The following PDE4D variants were observed in gnomAD, a reference collection of about 807,000 sequenced individuals.
PDE4D encodes 3',5'-cyclic-AMP phosphodiesterase 4D.
In PDE4D, 24 loss-of-function variants were observed where a neutral mutation model predicts 87.4. That is an observed-to-expected ratio of 0.27 (90% CI 0.20 to 0.39). PDE4D has a LOEUF of 0.39. Among genes scored for constraint, PDE4D ranks in the 10% least tolerant of loss-of-function variants. PDE4D has a pLI of 1.00. For synonymous variants in PDE4D, 384 were observed against 383.2 expected, an observed-to-expected ratio of 1.00 and a Z score of -0.02; for missense variants, 714 against 1,041.0, an observed-to-expected ratio of 0.69 and a Z score of 4.32.
chr5:59,939,668 ATTT>A (rs971878521), intron 3 of PDE4D, among the ~76,000 whole-genome samples: 1 of 152,084 alleles, frequency 6.6e-6, no homozygotes, highest in African/African-American at 2.4e-5. Context: ...GGAGAAGAGT[ATTT>A]CAGGTAGAGG....
chr5:59,639,408 A>G (rs1236765688), intron 1 of PDE4D, among the ~76,000 whole-genome samples: 5 of 151,880 alleles, frequency 3.3e-5, no homozygotes, highest in Admixed American at 2.6e-4. Context: ...GGGTTGGGGG[A>G]GAGAAAAGAC....
chr5:60,047,535 T>C (rs1769444036), intron 2 of PDE4D, among the ~76,000 whole-genome samples: 1 of 152,200 alleles, frequency 6.6e-6, no homozygotes, highest in Admixed American at 6.5e-5. Flanking sequence ...ACACACTGCT[T>C]TGAATGCGTC....
intron 1 of PDE4D, among the ~76,000 whole-genome samples, chr5:59,730,945 A>G (rs542488273): frequency 6.6e-6 from 1 of 152,246 alleles, no homozygotes; most frequent in East Asian, 1.9e-4. Context: ...CTTATGTTAT[A>G]TTGCTTTTTA....
At chr5:59,741,649 T>G (rs1484292741) in intron 1 of PDE4D, among the ~76,000 whole-genome samples, 2 of 152,232 alleles carry the variant, frequency 1.3e-5, no homozygotes, top group Non-Finnish European at 2.9e-5. Flanking sequence ...ATTAGTAACA[T>G]GAAAGCTACT....
intron 1 of PDE4D, among the ~76,000 whole-genome samples, chr5:59,448,744 C>A (rs557501925): frequency 6.6e-6 from 1 of 152,266 alleles, no homozygotes; most frequent in Admixed American, 6.5e-5. Context: ...ACGATCCTCC[C>A]ATTTCAGCCT....
chr5:59,982,340 T>C (rs953005500), intron 3 of PDE4D, among the ~76,000 whole-genome samples: 2 of 152,196 alleles, frequency 1.3e-5, no homozygotes, highest in African/African-American at 4.8e-5. Flanking sequence ...GCTCTCATTT[T>C]ATTATAGCAG....
chr5:59,709,777 C>A (rs1474135374), intron 1 of PDE4D, among the ~76,000 whole-genome samples: 1 of 152,108 alleles, frequency 6.6e-6, no homozygotes, highest in Non-Finnish European at 1.5e-5. Context: ...GGGTGGTATG[C>A]AGAAAATAGC....
At chr5:59,637,503 C>T (rs1832396640) in intron 1 of PDE4D, among the ~76,000 whole-genome samples, 1 of 151,718 alleles carries the variant, frequency 6.6e-6, no homozygotes, top group Non-Finnish European at 1.5e-5. Context: ...AACAAAAATA[C>T]CCATCAATGA....
intron 3 of PDE4D, among the ~76,000 whole-genome samples, chr5:59,909,818 C>A (rs1753242844): frequency 1.3e-5 from 2 of 152,124 alleles, no homozygotes; most frequent in African/African-American, 4.8e-5. Flanking sequence ...CTGTAGAAAA[C>A]CTTCAATGGT....
At chr5:60,305,820 T>C (rs1272917927) in intron 1 of PDE4D, among the ~76,000 whole-genome samples, 2 of 151,742 alleles carry the variant, frequency 1.3e-5, no homozygotes, top group African/African-American at 4.8e-5. Context: ...TACATGTGTG[T>C]ATACACACAC....
At chr5:59,090,647 T>G (rs1398979325) in intron 5 of PDE4D, among the ~76,000 whole-genome samples, 1 of 151,862 alleles carries the variant, frequency 6.6e-6, no homozygotes, top group Non-Finnish European at 1.5e-5. Context: ...AAATGTTGGG[T>G]AGAGATGCCA....
intron 1 of PDE4D, among the ~76,000 whole-genome samples, chr5:59,816,612 A>G (rs1183743890): frequency 6.6e-6 from 1 of 152,178 alleles, no homozygotes; most frequent in Non-Finnish European, 1.5e-5. Flanking sequence ...CTTTTTGGGG[A>G]TATACAATGT....
intron 2 of PDE4D, among the ~76,000 whole-genome samples, chr5:60,142,738 T>A (rs1314173336): frequency 6.6e-6 from 1 of 152,230 alleles, no homozygotes; most frequent in South Asian, 2.1e-4. Context: ...GTAAAATTAC[T>A]GTGGGTAGCA....
chr5:59,277,786 T>TCA (rs975707308), intron 1 of PDE4D, among the ~76,000 whole-genome samples: 3 of 152,078 alleles, frequency 2.0e-5, no homozygotes, highest in African/African-American at 2.4e-5. Flanking sequence ...CCCTTCTCTG[T>TCA]CACACACACA....
At chr5:59,924,824 T>C (rs547517058) in intron 3 of PDE4D, among the ~76,000 whole-genome samples, 1 of 152,200 alleles carries the variant, frequency 6.6e-6, no homozygotes, top group South Asian at 2.1e-4. Flanking sequence ...ACATTATAAT[T>C]GCGATGTTTA....
intron 1 of PDE4D, among the ~76,000 whole-genome samples, chr5:60,484,530 G>A (rs757605412): frequency 2.0e-4 from 31 of 151,920 alleles, no homozygotes; most frequent in African/African-American, 2.7e-4. Context: ...ATATTTATAC[G>A]ACTATGGCAC....
At chr5:59,356,593 T>G (rs972628926) in intron 1 of PDE4D, among the ~76,000 whole-genome samples, 1 of 152,200 alleles carries the variant, frequency 6.6e-6, no homozygotes, top group African/African-American at 2.4e-5. Flanking sequence ...CGTACCTACA[T>G]ACCCCTATTT....
chr5:60,248,965 T>C lies in PDE4D; in HGVS notation c.-89-63278A>G, dbSNP rs1748112657. 3.9e-5 allele frequency among the ~76,000 whole-genome samples: 6 copies of C among 151,994 alleles called. 1 individual carries two copies. In the South Asian group the frequency reaches 1.2e-3, roughly 31 times the overall value. On this transcript the variant is annotated intron_variant, in intron 1 of 16. Coordinates refer to the PDE4D transcript ENST00000502484. Reference sequence around the variant, plus strand: ...ACTGCGCAAAGAGCACCATCAAAAATTGAGCATGTGGCTCCAAGAGCCACC... The same window carrying C: ...ACTGCGCAAAGAGCACCATCAAAAACTGAGCATGTGGCTCCAAGAGCCACC...
intron 1 of PDE4D, among the ~76,000 whole-genome samples, chr5:60,264,289 T>C (rs1479211248): frequency 1.3e-5 from 2 of 152,218 alleles, no homozygotes; most frequent in African/African-American, 2.4e-5. Flanking sequence ...CTAAACCTCA[T>C]GTAGGCCAAA....
Sources: allele counts gnomAD v4.1 joint callset (sites outside exome capture counted in the v4.1 genomes callset), GRCh38; gene constraint gnomAD v4.1.1; transcripts MANE v1.5; gene names NCBI Gene and HGNC (gene_info 2026-07-23, HGNC 2026-07-21).